The following GCNT1 variants were observed in gnomAD, a reference collection of about 807,000 sequenced individuals.
GCNT1 encodes the protein glucosaminyl (N-acetyl) transferase 1.
GCNT1 carries 16 observed loss-of-function variants against 26.2 expected under a neutral mutation model. That is an observed-to-expected ratio of 0.61 (90% CI 0.41 to 0.93). GCNT1 has a LOEUF of 0.93. Among genes scored for constraint, GCNT1 ranks in the 40% least tolerant of loss-of-function variants. The pLI is 0.00. For synonymous variants in GCNT1, 183 were observed against 190.8 expected, an observed-to-expected ratio of 0.96 and a Z score of 0.34; for missense variants, 477 against 526.7, an observed-to-expected ratio of 0.91 and a Z score of 0.92.
upstream of GCNT1, among the ~76,000 whole-genome samples, chr9:76,458,878 C>A (rs1410750910): frequency 6.6e-6 from 1 of 152,232 alleles, no homozygotes; most frequent in Non-Finnish European, 1.5e-5. Context: ...TGTTTAAAAT[C>A]AGAAAAGGCA....
chr9:76,489,168 A>T (rs1426093018), intron 2 of GCNT1, among the ~76,000 whole-genome samples: 1 of 152,200 alleles, frequency 6.6e-6, no homozygotes, highest in Admixed American at 6.5e-5. Flanking sequence ...GGGAGCCTCT[A>T]TCTAGAGAGC....
At chr9:76,446,165 T>C (rs1823574477) in intron 1 of GCNT1, among the ~76,000 whole-genome samples, 1 of 152,126 alleles carries the variant, frequency 6.6e-6, no homozygotes, top group Non-Finnish European at 1.5e-5. Context: ...GGATCATCTA[T>C]CTAGAAAATT....
intron 2 of GCNT1, among the ~76,000 whole-genome samples, chr9:76,476,388 T>G (rs1452237184): frequency 2.6e-5 from 4 of 151,838 alleles, no homozygotes; most frequent in African/African-American, 4.8e-5. Context: ...AAAACCGTGG[T>G]GTTCTATTTG....
At chr9:76,459,099 A>T (rs1194667035), upstream of GCNT1, 4 of 152,326 alleles carry the variant, frequency 2.6e-5, no homozygotes, top group East Asian at 7.7e-4. Context: ...CCCAGCCCCG[A>T]GCTCGCGCAG....
At chr9:76,468,283 C>T (rs1323921617) in intron 2 of GCNT1, among the ~76,000 whole-genome samples, 1 of 152,134 alleles carries the variant, frequency 6.6e-6, no homozygotes, top group African/African-American at 2.4e-5. Flanking sequence ...TGGAGCCCTG[C>T]TCACCTGGCC....
chr9:76,475,771 C>T (rs1824241175), intron 2 of GCNT1, among the ~76,000 whole-genome samples: 1 of 152,196 alleles, frequency 6.6e-6, no homozygotes, highest in Non-Finnish European at 1.5e-5. Context: ...ATTACTTAAA[C>T]ATCACTGAAC....
intron 2 of GCNT1, among the ~76,000 whole-genome samples, chr9:76,475,095 G>A (rs1824223539): frequency 6.6e-6 from 1 of 152,130 alleles, no homozygotes; most frequent in African/African-American, 2.4e-5. Context: ...ACATACTGAG[G>A]TGCAGCTCAT....
upstream of GCNT1, among the ~76,000 whole-genome samples, chr9:76,441,335 G>A (rs568845598): frequency 2.0e-5 from 3 of 152,072 alleles, no homozygotes; most frequent in East Asian, 2.0e-4. Context: ...TAGTAGAGAC[G>A]GGGTTTTACC....
intron 2 of GCNT1, among the ~76,000 whole-genome samples, chr9:76,480,915 A>G (rs1824404439): frequency 6.6e-6 from 1 of 151,960 alleles, no homozygotes; most frequent in Admixed American, 6.6e-5. Flanking sequence ...TTATATAATT[A>G]TAAAATATGT....
intron 2 of GCNT1, among the ~76,000 whole-genome samples, chr9:76,492,911 TTAA>T (rs1297967384): frequency 1.3e-5 from 2 of 152,068 alleles, no homozygotes; most frequent in East Asian, 3.9e-4. Flanking sequence ...GTTGCGAGGT[TTAA>T]TAATGTCTCC....
intron 2 of GCNT1, among the ~76,000 whole-genome samples, chr9:76,497,823 G>T (rs192264257): frequency 6.6e-6 from 1 of 152,068 alleles, no homozygotes; most frequent in Non-Finnish European, 1.5e-5. Context: ...GTTTACTTTG[G>T]TGAACTTTAT....
the GCNT1 span, among the ~76,000 whole-genome samples, chr9:76,404,412 A>G: frequency 6.6e-6 from 1 of 152,202 alleles, no homozygotes; most frequent in Non-Finnish European, 1.5e-5. Flanking sequence ...GGGTGGTGGT[A>G]TAGATTGGAA....
At chr9:76,396,516 AAGAAG>A in the GCNT1 span, among the ~76,000 whole-genome samples, 10 of 152,200 alleles carry the variant, frequency 6.6e-5, no homozygotes, top group South Asian at 2.1e-3. Context: ...GGGGAAAGAA[AAGAAG>A]AGGAGAAAAT....
chr9:76,500,102 T>C (rs1310512046), intron 2 of GCNT1, among the ~76,000 whole-genome samples: 1 of 152,118 alleles, frequency 6.6e-6, no homozygotes, highest in East Asian at 1.9e-4. Flanking sequence ...CCCCCCTGTA[T>C]GTGGACCAGA....
the GCNT1 span, among the ~76,000 whole-genome samples, chr9:76,397,301 AATAG>A: frequency 3.2e-4 from 45 of 141,532 alleles, 1 homozygote; most frequent in Admixed American, 2.5e-3. Flanking sequence ...TACATAAATA[AATAG>A]ATAGATTTAA....
At chr9:76,474,717 A>C (rs1824217218) in intron 2 of GCNT1, among the ~76,000 whole-genome samples, 1 of 152,222 alleles carries the variant, frequency 6.6e-6, no homozygotes, top group Non-Finnish European at 1.5e-5. Context: ...ATGCTTTGCA[A>C]ATATATTTAA....
rs369681886 is a variant in GCNT1 at position 76,502,472 on chromosome 9, G to A, written c.91G>A (p.Val31Ile). 60 of 1,613,448 alleles carry A rather than the reference G, an allele frequency of 3.7e-5. No homozygotes were observed. The highest frequency in any genetic ancestry group is 3.3e-4 in the East Asian group (15 of 44,892). ...VLVLSLITFS[V>I]LRIHQKPEFV... ...TGTTTTATCCCTAATCACCTTCTCC[G>A]TTTTAAGGATTCATCAAAAGCCTGA... The change falls in exon 4 of 4, where the codon GTT (valine) becomes ATT (isoleucine). Residue 31 changes from valine (V) to isoleucine (I), a missense_variant. Physicochemically the swap from Val to Ile is conservative, Grantham distance 29. Coordinates refer to ENST00000376730, the MANE Select transcript of GCNT1 (RefSeq NM_001490.5).
At chr9:76,432,673 G>C (rs533553367) in intron 1 of GCNT1, among the ~76,000 whole-genome samples, 1 of 152,120 alleles carries the variant, frequency 6.6e-6, no homozygotes, top group African/African-American at 2.4e-5. Context: ...TACTGATAGC[G>C]GTAGGAGGCA....
At chr9:76,466,275 A>G (rs1346541950) in intron 2 of GCNT1, among the ~76,000 whole-genome samples, 1 of 152,118 alleles carries the variant, frequency 6.6e-6, no homozygotes, top group Non-Finnish European at 1.5e-5. Context: ...GATGGAAGAA[A>G]TTTAAACATG....
Sources: allele counts gnomAD v4.1 joint callset (sites outside exome capture counted in the v4.1 genomes callset), GRCh38; gene constraint gnomAD v4.1.1; transcripts MANE v1.5; gene names NCBI Gene and HGNC (gene_info 2026-07-23, HGNC 2026-07-21).